The following MARS1 variants were observed in gnomAD, a reference collection of about 807,000 sequenced individuals.
MARS1 encodes methionine--tRNA ligase, cytoplasmic.
A neutral mutation model predicts 119.5 loss-of-function variants in MARS1; 80 were observed. The observed-to-expected ratio is 0.67, with a 90% confidence interval of 0.56 to 0.81. The LOEUF (loss-of-function observed/expected upper bound fraction) is 0.81, where lower values mean the gene tolerates loss of function less well. Among genes scored for constraint, MARS1 ranks in the 30% least tolerant of loss-of-function variants. The pLI is 0.00. For synonymous variants in MARS1, 418 were observed against 433.4 expected, an observed-to-expected ratio of 0.96 and a Z score of 0.44; for missense variants, 945 against 1,116.5, an observed-to-expected ratio of 0.85 and a Z score of 2.19.
chr12:57,500,753 C>T (rs749804803), intron 10 of MARS1, among the ~76,000 whole-genome samples: 2 of 152,204 alleles, frequency 1.3e-5, no homozygotes, highest in African/African-American at 2.4e-5. Context: ...TTATATTTCC[C>T]AACCTTTGGT....
intron 7 of MARS1, among the ~76,000 whole-genome samples, chr12:57,493,744 T>TATATATAATATATA (rs1876324072): frequency 2.3e-4 from 1 of 4,290 alleles, no homozygotes; most frequent in African/African-American, 1.2e-3. Context: ...TAATATATAT[T>TATATATAATATATA]ATATACATTA....
rs373471049 is a variant in MARS1 at position 57,498,666 on chromosome 12, A to C, written c.1091+43A>C. ...AGGCAGAAATGGGGCTTGAAGGCTG[A>C]GACTGGGAACAGTGGGAGTATCTTG... On this transcript the variant is annotated intron_variant, in intron 9 of 20. Coordinates refer to ENST00000262027, the MANE Select transcript of MARS1 (RefSeq NM_004990.4). The C allele has an allele frequency of 1.5e-4, 234 of 1,581,536 alleles. 1 individual carries two copies. Among genetic ancestry groups the C allele is most frequent in the Non-Finnish European group, 8.4e-5 (97 of 1,150,866 alleles).
intron 10 of MARS1, among the ~76,000 whole-genome samples, chr12:57,501,019 G>C (rs936877006): frequency 6.6e-6 from 1 of 152,240 alleles, no homozygotes; most frequent in Non-Finnish European, 1.5e-5. Flanking sequence ...AAATGTGACA[G>C]AGAGTGACTT....
chr12:57,512,413 C>T, intron 14 of MARS1, 60 bp downstream of exon 14: 1 of 1,217,624 alleles, frequency 8.2e-7, no homozygotes, highest in South Asian at 1.2e-5. Context: ...TGAGGCAGTA[C>T]TTGGAAAAAG....
chr12:57,504,435 G>C (rs970008215), intron 11 of MARS1, 136 bp downstream of exon 11: 1 of 701,474 alleles, frequency 1.4e-6, no homozygotes, highest in African/African-American at 1.8e-5. Context: ...ATTGTCAAGA[G>C]ATGAAATAGA....
intron 15 of MARS1, 108 bp downstream of exon 15, chr12:57,513,072 G>A: frequency 1.1e-6 from 1 of 871,392 alleles, no homozygotes; most frequent in Non-Finnish European, 1.9e-6. Context: ...GAGGCTGTGA[G>A]GACACTGTGG....
intron 18 of MARS1, 45 bp from the exon 19 acceptor site, chr12:57,515,875 G>C (rs768013255): frequency 4.1e-6 from 6 of 1,460,178 alleles, no homozygotes; most frequent in Non-Finnish European, 3.8e-6. Context: ...CTATGGTAGA[G>C]TCTGTATCCA....
chr12:57,488,614 C>T, intron 1 of MARS1: 3 of 1,551,072 alleles, frequency 1.9e-6, no homozygotes, highest in South Asian at 1.2e-5. Flanking sequence ...CTGTTTACCT[C>T]TTCTCATTCT....
At chr12:57,500,594 A>G in intron 10 of MARS1, 72 bp downstream of exon 10, 2 of 1,437,610 alleles carry the variant, frequency 1.4e-6, no homozygotes, top group Non-Finnish European at 1.9e-6. Context: ...TTCCTGTCCC[A>G]TTTAGGATTT....
chr12:57,514,825 CTA>C lies in MARS1; in HGVS notation c.2075_2076del (p.Tyr692SerfsTer5). ...LAHVTLELQH[Y>X]HQLLEKVRIR... ...CCCATGTCACCCTGGAGCTCCAGCA[CTA>C]TCACCAGCTACTTGAGAAGGTTCGG... On this transcript the variant is annotated frameshift_variant, in exon 16 of 21. Transcript: ENST00000262027. LOFTEE classifies it high-confidence loss of function. The C allele has an allele frequency of 6.2e-7, 1 of 1,614,118 alleles. No homozygotes were observed. Among genetic ancestry groups the C allele is most frequent in the Non-Finnish European group, 8.5e-7 (1 of 1,179,948 alleles).
chr12:57,507,026 A>G (rs1162563417), intron 11 of MARS1, among the ~76,000 whole-genome samples: 2 of 149,514 alleles, frequency 1.3e-5, no homozygotes, highest in Non-Finnish European at 3.0e-5. Flanking sequence ...GTCCCTGGGT[A>G]CTTGAGATTA....
chr12:57,504,240 G>A lies in MARS1; in HGVS notation c.1309G>A (p.Val437Ile), dbSNP rs1484877370. 5.6e-6 allele frequency: 9 copies of A among 1,614,032 alleles called. No homozygotes were observed. Among genetic ancestry groups the A allele is most frequent in the African/African-American group, 1.3e-5 (1 of 74,934 alleles). The change falls in exon 11 of 21, where the codon GTC becomes ATC. Residue 437 changes from valine to isoleucine, a missense_variant. Val to Ile is a conservative substitution (Grantham distance 29). Coordinates refer to ENST00000262027, the MANE Select transcript of MARS1 (RefSeq NM_004990.4). ...TCCTTCGCAGAAGCCTCAGTGTAAAGTCTGCCGATCATGCCCTGTGGTGCA... is the reference window on the plus strand; with the variant it reads ...TCCTTCGCAGAAGCCTCAGTGTAAAATCTGCCGATCATGCCCTGTGGTGCA... ...AVELKKPQCK[V>I]CRSCPVVQSS...
intron 11 of MARS1, among the ~76,000 whole-genome samples, chr12:57,507,582 C>T (rs1490915978): frequency 7.0e-6 from 1 of 142,540 alleles, no homozygotes; most frequent in African/African-American, 2.6e-5. Context: ...CCCTCACCTC[C>T]CGGACGGGGC....
In MARS1 at chr12:57,489,355, A is replaced by G. The variant is rs2139997497; in HGVS notation, c.279+10A>G. 1 of 1,614,126 alleles carries G rather than the reference A, an allele frequency of 6.2e-7. No individual in the cohort carries two copies. Among genetic ancestry groups the G allele is most frequent in the East Asian group, 2.2e-5 (1 of 44,894 alleles). On this transcript the variant is annotated intron_variant, in intron 3 of 20. Coordinates refer to ENST00000262027, the MANE Select transcript of MARS1 (RefSeq NM_004990.4). ...AGCGACAGAGCTGCAGGTAGGACTA[A>G]GGTATGGGGGATGTCAGGCAGGCCC...
rs202227759 is a variant in MARS1, at chr12:57,510,453, GC to G, written c.1369-1244del. ...GTGCCACTGCACTCCAGCCCGGGCA[GC>G]TGAGCAAGACTCCAGCTCAAAAAAA... On this transcript the variant is annotated intron_variant, in intron 11 of 20. Coordinates refer to ENST00000262027, the MANE Select transcript of MARS1 (RefSeq NM_004990.4). 4.5e-4 allele frequency among the ~76,000 whole-genome samples: 68 copies of G among 151,844 alleles called. 1 individual carries two copies. In the East Asian group the frequency reaches 0.012, roughly 27 times the overall value.
At position 57,515,116 on chromosome 12, in the gene MARS1, C is replaced by T. The variant is rs772090271; in HGVS notation, c.2205-34C>T. 9 of 1,613,940 alleles carry T rather than the reference C, an allele frequency of 5.6e-6. No homozygotes were observed. In the Admixed American group the frequency reaches 1.3e-4, roughly 24 times the overall value. On this transcript the variant is annotated intron_variant, in intron 17 of 20. Coordinates refer to ENST00000262027, the MANE Select transcript of MARS1 (RefSeq NM_004990.4). ...AAAGTGGCTTGTAAGCTGTATCCTC[C>T]TGGAGGTCTTGACTAATGTCTCCTC...
chr12:57,490,413 T>A (rs1170765878), intron 6 of MARS1, 34 bp downstream of exon 6: 13 of 1,610,454 alleles, frequency 8.1e-6, no homozygotes, highest in Non-Finnish European at 1.1e-5. Flanking sequence ...GGGCCTGAGG[T>A]GGGAGGTGGC....
At chr12:57,516,034 A>G in intron 19 of MARS1, 43 bp downstream of exon 19, 1 of 1,584,078 alleles carries the variant, frequency 6.3e-7, no homozygotes. Context: ...CAACAGCCAC[A>G]GCATCACTTC....
intron 7 of MARS1, among the ~76,000 whole-genome samples, chr12:57,493,397 AAT>A (rs370521816): frequency 2.2e-4 from 1 of 4,526 alleles, no homozygotes; most frequent in Non-Finnish European, 4.6e-4. Flanking sequence ...TATTATATAT[AAT>A]ATATGTTATA....
Sources: gnomAD v4.1 joint callset for allele counts (sites outside exome capture counted in the v4.1 genomes callset) on GRCh38, gnomAD v4.1.1 for gene constraint, MANE v1.5 for transcripts, NCBI Gene and HGNC (gene_info 2026-07-23, HGNC 2026-07-21) for gene names.